Variants in CYP19A1 observed in about 807,000 individuals in gnomAD.
CYP19A1 encodes aromatase.
In CYP19A1, 32 loss-of-function variants were observed where a neutral mutation model predicts 44.4. The ratio of observed to expected loss-of-function variants is 0.72; its 90% CI spans 0.54 to 0.97. The LOEUF (loss-of-function observed/expected upper bound fraction) is 0.97. Ranked by LOEUF, CYP19A1 falls within the 50% of genes least tolerant of loss-of-function variation. The pLI, the probability that CYP19A1 is intolerant of heterozygous loss-of-function variation, is 0.00. For synonymous variants in CYP19A1, 212 were observed against 215.6 expected (o/e 0.98, Z 0.14); for missense variants, 598 against 637.8 (o/e 0.94, Z 0.67).
chr15:51,215,263 A>G, intron 7 of CYP19A1, 31 bp from the exon 8 acceptor site: 1 of 1,613,924 alleles, frequency 6.2e-7, no homozygotes, highest in Non-Finnish European at 8.5e-7. Context: ...AAAAATTTGG[A>G]AAAGTGAATC....
chr15:51,262,312 C>T (rs1015134931), intron 1 of CYP19A1, among the ~76,000 whole-genome samples: 3 of 152,158 alleles, frequency 2.0e-5, no homozygotes, highest in Admixed American at 6.5e-5. Flanking sequence ...AATCTCTGTT[C>T]AGGGCTCTCA....
At chr15:51,251,229 C>T (rs1156965783) in intron 1 of CYP19A1, among the ~76,000 whole-genome samples, 1 of 152,134 alleles carries the variant, frequency 6.6e-6, no homozygotes, top group Non-Finnish European at 1.5e-5. Context: ...GATTCCTTGC[C>T]TCTGGTAGCA....
chr15:51,227,826 T>A lies in CYP19A1; in HGVS notation c.404A>T (p.Asn135Ile). The A allele has an allele frequency of 6.5e-7, 1 of 1,544,804 alleles. No homozygotes were observed. The highest frequency in any genetic ancestry group is 9.0e-7 in the Non-Finnish European group (1 of 1,116,842). The change falls in exon 4 of 10, where the codon AAC (asparagine) becomes ATC (isoleucine). Residue 135 changes from asparagine to isoleucine, a missense_variant. Asn to Ile is a moderately radical substitution (Grantham distance 149). Coordinates refer to ENST00000396402, the MANE Select transcript of CYP19A1 (RefSeq NM_000103.4). The stretch of plus-strand genomic sequence containing the variant: ...TGTTTTCCAGAGCTCTGGATTGTTG[T>A]TAAATATGATGCCTTTCTCATGCAT... ...IGMHEKGIIF[N>I]NNPELWKTTR...
intron 1 of CYP19A1, among the ~76,000 whole-genome samples, chr15:51,302,754 C>G (rs957357999): frequency 6.6e-6 from 1 of 152,228 alleles, no homozygotes; most frequent in Admixed American, 6.5e-5. Context: ...TCTGGCAGGC[C>G]TTCTTTGATG....
intron 1 of CYP19A1, among the ~76,000 whole-genome samples, chr15:51,285,715 T>C (rs530790559): frequency 1.3e-5 from 2 of 152,330 alleles, no homozygotes; most frequent in East Asian, 3.9e-4. Context: ...CTGTAGATCA[T>C]GCACTTGCCC....
intron 2 of CYP19A1, among the ~76,000 whole-genome samples, chr15:51,241,797 G>T (rs554442992): frequency 6.6e-6 from 1 of 152,128 alleles, no homozygotes. Context: ...GCTGAATCAG[G>T]CAGAGAGACA....
At chr15:51,293,739 G>C (rs979182822) in intron 1 of CYP19A1, 5 of 160,982 alleles carry the variant, frequency 3.1e-5, no homozygotes, top group Non-Finnish European at 6.7e-5. Context: ...GTACTTTTTT[G>C]GTGGAGACGG....
chr15:51,289,968 C>T (rs2035805759), intron 1 of CYP19A1, among the ~76,000 whole-genome samples: 2 of 152,190 alleles, frequency 1.3e-5, no homozygotes, highest in South Asian at 2.1e-4. Context: ...CCACTAAATG[C>T]CAAGCCTACT....
At chr15:51,271,526 G>C (rs1433649265) in intron 1 of CYP19A1, among the ~76,000 whole-genome samples, 1 of 152,142 alleles carries the variant, frequency 6.6e-6, no homozygotes, top group Admixed American at 6.5e-5. Context: ...CACTTGGGTG[G>C]ACAATTTACA....
At chr15:51,222,180 A>G in intron 5 of CYP19A1, 169 bp downstream of exon 5, 1 of 1,247,562 alleles carries the variant, frequency 8.0e-7, no homozygotes, top group Non-Finnish European at 1.1e-6. Context: ...TTTATATTTT[A>G]TAAGTGAACA....
At chr15:51,293,168 G>A (rs1297661951) in intron 1 of CYP19A1, among the ~76,000 whole-genome samples, 1 of 152,226 alleles carries the variant, frequency 6.6e-6, no homozygotes, top group South Asian at 2.1e-4. Context: ...GGTGCACACT[G>A]CTTGGGTGAT....
At chr15:51,266,905 A>C (rs1006832609) in intron 1 of CYP19A1, among the ~76,000 whole-genome samples, 24 of 152,246 alleles carry the variant, frequency 1.6e-4, no homozygotes, top group African/African-American at 5.8e-4. Flanking sequence ...ACATTTTACT[A>C]TGCTCTCCAC....
Position 51,287,425 on chromosome 15 carries a change from C to T in CYP19A1, c.-38-44475G>A, listed in dbSNP as rs897033413. Among the ~76,000 whole-genome samples the T allele has an allele frequency of 2.0e-5, 3 of 152,164 alleles. No homozygotes were observed. The South Asian group carries it at 6.2e-4, about 32-fold the overall frequency. On this transcript the variant is annotated intron_variant, in intron 1 of 9. Transcript: ENST00000396402. ...GCTTGGAATTGGCCCGGAAACAGAG[C>T]CCACTTGAATTTGGGGCTTCTTCAC...
chr15:51,264,386 A>G (rs1010891949), intron 1 of CYP19A1, among the ~76,000 whole-genome samples: 2 of 151,892 alleles, frequency 1.3e-5, no homozygotes, highest in Non-Finnish European at 2.9e-5. Context: ...GTCGGGGGGG[A>G]GGGTAAGACC....
At chr15:51,315,162 C>A (rs1379860073) in intron 1 of CYP19A1, among the ~76,000 whole-genome samples, 3 of 152,106 alleles carry the variant, frequency 2.0e-5, no homozygotes, top group African/African-American at 7.2e-5. Flanking sequence ...ACTTACGGGC[C>A]CCTGCCTACC....
intron 1 of CYP19A1, among the ~76,000 whole-genome samples, chr15:51,272,206 C>T (rs991861951): frequency 1.8e-4 from 28 of 152,308 alleles, no homozygotes; most frequent in Admixed American, 4.6e-4. Flanking sequence ...TTCCTATCCT[C>T]GTATTTCTTC....
chr15:51,311,732 T>A (rs190785779), intron 1 of CYP19A1, among the ~76,000 whole-genome samples: 94 of 152,334 alleles, frequency 6.2e-4, no homozygotes, highest in African/African-American at 2.3e-3. Context: ...TCTGAAAGCA[T>A]CTGAGCTTTT....
intron 1 of CYP19A1, among the ~76,000 whole-genome samples, chr15:51,305,505 G>GA (rs1452285324): frequency 1.3e-5 from 2 of 152,122 alleles, no homozygotes; most frequent in African/African-American, 4.8e-5. Context: ...TGGGCCTAGT[G>GA]AGACCCTGAG....
chr15:51,217,677 C>G (rs1359003069), intron 6 of CYP19A1, among the ~76,000 whole-genome samples: 1 of 152,152 alleles, frequency 6.6e-6, no homozygotes, highest in Non-Finnish European at 1.5e-5. Context: ...GATATGAACA[C>G]AGGAAAGGGA....
Sources: allele counts gnomAD v4.1 joint callset (sites outside exome capture counted in the v4.1 genomes callset), GRCh38; gene constraint gnomAD v4.1.1; transcripts MANE v1.5; gene names NCBI Gene and HGNC (gene_info 2026-07-23, HGNC 2026-07-21).